The following ADORA2B variants were observed in gnomAD, a reference collection of about 807,000 sequenced individuals.
ADORA2B encodes adenosine receptor A2b.
Under a neutral mutation model 20.8 loss-of-function variants are expected in ADORA2B, and 18 were observed. The ratio of observed to expected loss-of-function variants is 0.87; its 90% confidence interval spans 0.60 to 1.29. The LOEUF is 1.29. Ranked by LOEUF, ADORA2B falls within the 50% of genes most tolerant of loss-of-function variation. The pLI is 0.00. For missense variants in ADORA2B, 441 were observed against 422.7 expected, an observed-to-expected ratio of 1.04 and a Z score of -0.38; for synonymous variants, 179 against 178.3, an observed-to-expected ratio of 1.00 and a Z score of -0.03.
intron 1 of ADORA2B, among the ~76,000 whole-genome samples, chr17:15,968,937 C>A (rs1022711519): frequency 2.0e-5 from 3 of 152,116 alleles, no homozygotes; most frequent in African/African-American, 7.2e-5. Context: ...TTTGGTTGTG[C>A]GGTTCCTCCC....
At chr17:15,938,342 G>A in the ADORA2B span, among the ~76,000 whole-genome samples, 3 of 152,040 alleles carry the variant, frequency 2.0e-5, no homozygotes, top group Non-Finnish European at 4.4e-5. Context: ...CCACTCTGTC[G>A]CCTGGGCTGG....
the ADORA2B span, among the ~76,000 whole-genome samples, chr17:15,866,694 T>G: frequency 0.2 from 28,529 of 142,802 alleles, 2,694 homozygotes; most frequent in Middle Eastern, 0.27. Flanking sequence ...TCCCTCTGCC[T>G]CTGCCTCTGC....
the ADORA2B span, among the ~76,000 whole-genome samples, chr17:15,888,009 A>T: frequency 2.6e-5 from 3 of 115,938 alleles, 1 homozygote; most frequent in African/African-American, 7.7e-5. Context: ...AAGTTGCCAA[A>T]CTTGATTTGG....
the ADORA2B span, among the ~76,000 whole-genome samples, chr17:15,881,196 G>C: frequency 6.6e-6 from 1 of 152,082 alleles, no homozygotes; most frequent in Non-Finnish European, 1.5e-5. Flanking sequence ...CTGCCTCCCG[G>C]GTTCAAGTGA....
chr17:15,907,257 T>TA, the ADORA2B span, among the ~76,000 whole-genome samples: 18 of 152,188 alleles, frequency 1.2e-4, no homozygotes, highest in African/African-American at 3.4e-4. Context: ...CGTGGAATGT[T>TA]TCACTCCTTT....
the ADORA2B span, among the ~76,000 whole-genome samples, chr17:15,881,867 G>A: frequency 2.0e-5 from 3 of 152,196 alleles, no homozygotes; most frequent in Non-Finnish European, 2.9e-5. Flanking sequence ...CTGGGAGACC[G>A]CCTACCACTA....
chr17:15,915,021 A>C, the ADORA2B span, among the ~76,000 whole-genome samples: 4,554 of 152,274 alleles, frequency 0.03, 224 homozygotes, highest in African/African-American at 0.1. Flanking sequence ...GTGGCTTAAA[A>C]CAACAGGAAC....
Position 15,945,245 on chromosome 17 carries a change from G to A in ADORA2B, c.-4G>A, listed in dbSNP as rs1477975384. On this transcript the variant is annotated 5_prime_UTR_variant, in exon 1 of 2. Coordinates refer to ENST00000304222, the MANE Select transcript of ADORA2B (RefSeq NM_000676.4). The stretch of plus-strand genomic sequence containing the variant: ...GGGGCGCCCGGGGCCCAGCTGGCCC[G>A]GCCATGCTGCTGGAGACACAGGACG... The A allele has an allele frequency of 7.0e-7, 1 of 1,421,154 alleles. No individual in the cohort carries two copies. The highest frequency in any genetic ancestry group is 9.1e-7 in the Non-Finnish European group (1 of 1,093,070). 88.0% of individuals were successfully genotyped at this position (1,421,154 alleles called of 1,614,324 possible). A position where few individuals can be genotyped will look rare whatever the true frequency, so the allele number is the denominator to read the frequency against.
chr17:15,913,448 G>C, the ADORA2B span, among the ~76,000 whole-genome samples: 1 of 152,190 alleles, frequency 6.6e-6, no homozygotes, highest in Non-Finnish European at 1.5e-5. Context: ...GTTGTTTCCA[G>C]CTTTTCCAGC....
At chr17:15,894,463 C>G in the ADORA2B span, among the ~76,000 whole-genome samples, 1 of 152,066 alleles carries the variant, frequency 6.6e-6, no homozygotes, top group African/African-American at 2.4e-5. Flanking sequence ...TTGGTGTGGT[C>G]AAGGACATGG....
At chr17:15,970,176 C>T (rs1014262675) in intron 1 of ADORA2B, among the ~76,000 whole-genome samples, 11 of 152,218 alleles carry the variant, frequency 7.2e-5, no homozygotes, top group Admixed American at 2.0e-4. Context: ...TCCACAAGGG[C>T]AGTGATTGTG....
chr17:15,886,947 C>A, the ADORA2B span, among the ~76,000 whole-genome samples: 5 of 130,796 alleles, frequency 3.8e-5, 1 homozygote, highest in Admixed American at 7.5e-5. Context: ...TGGACCCAGC[C>A]AGGGGGCAGG....
chr17:15,952,342 A>G (rs1162944513), intron 1 of ADORA2B, among the ~76,000 whole-genome samples: 1 of 152,150 alleles, frequency 6.6e-6, no homozygotes, highest in Non-Finnish European at 1.5e-5. Flanking sequence ...GGCACCTTAC[A>G]TCCCTAATCT....
chr17:15,942,757 G>A (rs569901067), upstream of ADORA2B, among the ~76,000 whole-genome samples: 8 of 152,280 alleles, frequency 5.3e-5, no homozygotes, highest in South Asian at 2.1e-4. Flanking sequence ...TGACCTCTGC[G>A]GACTGGCATC....
intron 1 of ADORA2B, among the ~76,000 whole-genome samples, chr17:15,950,008 G>A (rs761170712): frequency 1.8e-4 from 27 of 152,088 alleles, no homozygotes; most frequent in Non-Finnish European, 3.2e-4. Context: ...TTGGATGATG[G>A]CCCCCTGCAA....
the ADORA2B span, among the ~76,000 whole-genome samples, chr17:15,924,209 A>G: frequency 6.6e-6 from 1 of 152,170 alleles, no homozygotes; most frequent in African/African-American, 2.4e-5. Context: ...TACTGCACCC[A>G]GCCCTTTTGA....
the ADORA2B span, among the ~76,000 whole-genome samples, chr17:15,882,290 C>G: frequency 6.6e-6 from 1 of 152,084 alleles, no homozygotes; most frequent in Admixed American, 6.6e-5. Context: ...CTAGGAAGAC[C>G]GGAAACTCAG....
At chr17:15,949,542 C>G (rs1969867883) in intron 1 of ADORA2B, among the ~76,000 whole-genome samples, 1 of 151,936 alleles carries the variant, frequency 6.6e-6, no homozygotes, top group East Asian at 1.9e-4. Context: ...AGCTATAATT[C>G]CCGTCCCATA....
chr17:15,901,729 C>T, the ADORA2B span, among the ~76,000 whole-genome samples: 1 of 152,114 alleles, frequency 6.6e-6, no homozygotes, highest in Admixed American at 6.5e-5. Context: ...CCCTCTGGCT[C>T]CTAAAACACA....
Sources: gnomAD v4.1 joint callset for allele counts (sites outside exome capture counted in the v4.1 genomes callset) on GRCh38, gnomAD v4.1.1 for gene constraint, MANE v1.5 for transcripts, NCBI Gene and HGNC (gene_info 2026-07-23, HGNC 2026-07-21) for gene names.